Variants in KIAA1217 observed in about 807,000 individuals in gnomAD.
The protein encoded by KIAA1217 is KIAA1217.
KIAA1217 carries 88 observed loss-of-function variants against 163.9 expected under a neutral mutation model. That is an observed-to-expected ratio of 0.54 (90% CI 0.45 to 0.64). The LOEUF is 0.64. KIAA1217 is among the 30% of genes least tolerant of loss of function. The pLI is 0.00. For synonymous variants in KIAA1217, 903 were observed against 923.1 expected (o/e 0.98, Z 0.39); for missense variants, 2,372 against 2,475.0 (o/e 0.96, Z 0.88).
At chr10:24,529,644 G>A (rs1472221740) in intron 14 of KIAA1217, among the ~76,000 whole-genome samples, 1 of 151,880 alleles carries the variant, frequency 6.6e-6, no homozygotes, top group African/African-American at 2.4e-5. Flanking sequence ...CCCTCAGTCT[G>A]TGCTAAGAGG....
chr10:24,502,083 G>C (rs1197512753), intron 9 of KIAA1217, among the ~76,000 whole-genome samples: 1 of 151,916 alleles, frequency 6.6e-6, no homozygotes, highest in East Asian at 1.9e-4. Context: ...GTACTTTTAC[G>C]CAGGAAGAGA....
At chr10:24,526,724 TC>T (rs1289107287) in intron 13 of KIAA1217, among the ~76,000 whole-genome samples, 1 of 152,044 alleles carries the variant, frequency 6.6e-6, no homozygotes, top group Admixed American at 6.6e-5. Context: ...CCTCGTAGGC[TC>T]GGGGGAAAGC....
chr10:24,260,418 T>C (rs188649377), intron 2 of KIAA1217, among the ~76,000 whole-genome samples: 67 of 152,100 alleles, frequency 4.4e-4, no homozygotes, highest in Non-Finnish European at 8.4e-4. Context: ...TTCAGTTGTA[T>C]AGTAGTTACA....
intron 2 of KIAA1217, among the ~76,000 whole-genome samples, chr10:24,302,846 A>G (rs1389153130): frequency 6.6e-6 from 1 of 152,036 alleles, no homozygotes. Context: ...AGAGGAAACA[A>G]CACAAGTTAG....
intron 1 of KIAA1217, among the ~76,000 whole-genome samples, chr10:23,824,658 A>ATAAAAAATATAT (rs1379535101): frequency 1.9e-5 from 1 of 53,040 alleles, no homozygotes. Flanking sequence ...AAATAAAAAA[A>ATAAAAAATATAT]ATATATATAT....
intron 1 of KIAA1217, among the ~76,000 whole-genome samples, chr10:23,934,606 TGTATATATATATATATATA>T (rs1564545825): frequency 1.7e-4 from 13 of 76,282 alleles, no homozygotes; most frequent in East Asian, 1.0e-3. Context: ...TATATATATA[TGTATATATATATATATATA>T]TTTTTTTTTT....
chr10:24,216,907 C>T (rs1458522850), intron 1 of KIAA1217, among the ~76,000 whole-genome samples: 1 of 149,244 alleles, frequency 6.7e-6, no homozygotes, highest in African/African-American at 2.5e-5. Flanking sequence ...TGGCACACAT[C>T]TGCGGTCCCA....
intron 1 of KIAA1217, among the ~76,000 whole-genome samples, chr10:23,756,598 G>A (rs1405112179): frequency 1.3e-5 from 2 of 152,166 alleles, no homozygotes; most frequent in Non-Finnish European, 2.9e-5. Flanking sequence ...ACTAATGAAT[G>A]TAAGCATAAA....
chr10:24,456,852 G>A (rs1315100924), intron 5 of KIAA1217, among the ~76,000 whole-genome samples: 1 of 151,782 alleles, frequency 6.6e-6, no homozygotes, highest in Non-Finnish European at 1.5e-5. Flanking sequence ...ACAGGCACCT[G>A]CCACCAAACC....
At chr10:24,250,783 T>C (rs1368156316) in intron 2 of KIAA1217, among the ~76,000 whole-genome samples, 2 of 147,878 alleles carry the variant, frequency 1.4e-5, no homozygotes, top group Non-Finnish European at 3.0e-5. Flanking sequence ...CAATGATTGA[T>C]GCAAGCCAGA....
chr10:23,938,898 A>C (rs1276974340), intron 1 of KIAA1217, among the ~76,000 whole-genome samples: 1 of 152,248 alleles, frequency 6.6e-6, no homozygotes, highest in Non-Finnish European at 1.5e-5. Flanking sequence ...AAGCAGGGAA[A>C]TATGACCTGT....
intron 2 of KIAA1217, among the ~76,000 whole-genome samples, chr10:24,039,631 A>G (rs1353601010): frequency 2.6e-5 from 4 of 152,102 alleles, no homozygotes; most frequent in Admixed American, 2.6e-4. Flanking sequence ...CATCCAGTGC[A>G]TTTTTGACTT....
At chr10:24,411,543 G>A (rs2057770102) in intron 3 of KIAA1217, among the ~76,000 whole-genome samples, 1 of 152,024 alleles carries the variant, frequency 6.6e-6, no homozygotes, top group Admixed American at 6.5e-5. Context: ...GGATATACTT[G>A]GTGAATTCTT....
intron 1 of KIAA1217, among the ~76,000 whole-genome samples, chr10:23,824,382 C>T (rs1171206625): frequency 2.0e-5 from 3 of 151,610 alleles, no homozygotes; most frequent in Non-Finnish European, 2.9e-5. Flanking sequence ...GTAATCCCAG[C>T]GCTTTGGGAG....
In KIAA1217 at chr10:24,547,713, A is replaced by G. The variant is rs879104608; in HGVS notation, c.*1389A>G. On this transcript the variant is annotated 3_prime_UTR_variant, in exon 21 of 21. Transcript: ENST00000376454. Reference sequence around the variant, plus strand: ...CTCGCTTTCTTCTCTGTGGCTTATCAAGGTGTAGATGACAGAAAGCAAACC... The same window carrying G: ...CTCGCTTTCTTCTCTGTGGCTTATCGAGGTGTAGATGACAGAAAGCAAACC... 1 of 152,132 alleles carries G rather than the reference A, an allele frequency of 6.6e-6. No homozygotes were observed. Among genetic ancestry groups the G allele is most frequent in the South Asian group, 2.1e-4 (1 of 4,826 alleles). 9.4% of individuals were successfully genotyped at this position (152,132 alleles called of 1,614,324 possible).
At position 24,438,389 on chromosome 10, in the gene KIAA1217, C is replaced by T. The variant is rs1438649415; in HGVS notation, c.756C>T (p.Asn252=). Residue 252 remains asparagine (N), a synonymous_variant, in exon 5 of 21, where the codon AAC becomes AAT. Coordinates refer to ENST00000376454, the MANE Select transcript of KIAA1217 (RefSeq NM_019590.5). Reference sequence around the variant, plus strand: ...TTATCGATGTTTTTGATTCCAGGAACATTCAAGACAGATCACTCCTCAAAG... The same window carrying T: ...TTATCGATGTTTTTGATTCCAGGAATATTCAAGACAGATCACTCCTCAAAG... ...NVYYELNDVR[N]IQDRSLLKVY... The T allele has an allele frequency of 5.6e-6, 9 of 1,609,476 alleles. No homozygotes were observed. The highest frequency in any genetic ancestry group is 2.2e-5 in the East Asian group (1 of 44,826).
chr10:23,939,978 C>G (rs190252495), intron 1 of KIAA1217, among the ~76,000 whole-genome samples: 2 of 150,318 alleles, frequency 1.3e-5, no homozygotes, highest in East Asian at 3.9e-4. Context: ...TAAATATAAA[C>G]TGTGTAGCTA....
At chr10:23,999,059 T>C (rs1846625243) in intron 1 of KIAA1217, among the ~76,000 whole-genome samples, 1 of 152,162 alleles carries the variant, frequency 6.6e-6, no homozygotes, top group African/African-American at 2.4e-5. Flanking sequence ...AAAATAGCCA[T>C]ATACAGTTTT....
intron 2 of KIAA1217, among the ~76,000 whole-genome samples, chr10:24,133,872 C>A (rs1315534061): frequency 6.6e-6 from 1 of 152,168 alleles, no homozygotes; most frequent in African/African-American, 2.4e-5. Context: ...GAAAATAGAA[C>A]TTTTTCTTAA....
Sources: allele counts gnomAD v4.1 joint callset (sites outside exome capture counted in the v4.1 genomes callset), GRCh38; gene constraint gnomAD v4.1.1; transcripts MANE v1.5; gene names NCBI Gene and HGNC (gene_info 2026-07-23, HGNC 2026-07-21).